TBC1D19: variants seen among roughly 807,000 people sequenced by gnomAD.
The protein encoded by TBC1D19 is TBC1 domain family, member 19.
Under a neutral mutation model 89.0 loss-of-function variants are expected in TBC1D19, and 60 were observed. That is an observed-to-expected ratio of 0.67 (90% CI 0.55 to 0.84). The LOEUF is 0.84. TBC1D19 is among the 40% of genes least tolerant of loss of function. The pLI, the probability that TBC1D19 is intolerant of heterozygous loss-of-function variation, is 0.00. For synonymous variants in TBC1D19, 189 were observed against 199.7 expected, an observed-to-expected ratio of 0.95 and a Z score of 0.45; for missense variants, 500 against 610.8, an observed-to-expected ratio of 0.82 and a Z score of 1.91.
chr4:26,833,555 G>C, the TBC1D19 span, among the ~76,000 whole-genome samples: 1 of 152,276 alleles, frequency 6.6e-6, no homozygotes, highest in Non-Finnish European at 1.5e-5. Flanking sequence ...TAGCAGTAAA[G>C]GTGAGATTTA....
chr4:26,645,998 CTGTAG>C (rs1743905587), intron 7 of TBC1D19, among the ~76,000 whole-genome samples: 1 of 150,716 alleles, frequency 6.6e-6, no homozygotes, highest in Non-Finnish European at 1.5e-5. Flanking sequence ...TGGCGGGCGC[CTGTAG>C]TCCCAGCTAC....
At chr4:26,787,534 G>A in the TBC1D19 span, among the ~76,000 whole-genome samples, 1 of 152,194 alleles carries the variant, frequency 6.6e-6, no homozygotes, top group Non-Finnish European at 1.5e-5. Context: ...TGACGAAAGG[G>A]CAGCACTATG....
chr4:26,807,955 G>A, the TBC1D19 span, among the ~76,000 whole-genome samples: 241 of 152,344 alleles, frequency 1.6e-3, no homozygotes, highest in African/African-American at 5.4e-3. Context: ...AGGCACGGGA[G>A]ATGGAATGAA....
chr4:26,726,155 AC>A (rs1717306661), intron 15 of TBC1D19, among the ~76,000 whole-genome samples: 1 of 150,994 alleles, frequency 6.6e-6, no homozygotes, highest in Non-Finnish European at 1.5e-5. Context: ...ACACACACAC[AC>A]ACACACACAC....
At position 26,753,693 on chromosome 4, in the gene TBC1D19, G is replaced by A. The variant is rs574489332; in HGVS notation, c.1436-127G>A. On this transcript the variant is annotated intron_variant, in intron 19 of 20. Coordinates refer to ENST00000264866, the MANE Select transcript of TBC1D19 (RefSeq NM_018317.4). ...ACAAGACCTTAATTCAGAATGCGGGGGTGTGGTCCGTTGTGTAAAGCACTA... is the reference window on the plus strand; with the variant it reads ...ACAAGACCTTAATTCAGAATGCGGGAGTGTGGTCCGTTGTGTAAAGCACTA... 5.7e-5 allele frequency: 49 copies of A among 852,474 alleles called. No individual in the cohort carries two copies. In the African/African-American group the frequency reaches 7.7e-4, roughly 13 times the overall value. The allele number at this position is 852,474 out of a possible 1,614,324, so 52.8% of individuals were successfully genotyped here.
chr4:26,692,667 A>G (rs1351830484), intron 13 of TBC1D19, among the ~76,000 whole-genome samples: 1 of 152,234 alleles, frequency 6.6e-6, no homozygotes, highest in African/African-American at 2.4e-5. Flanking sequence ...GAAGATTTTA[A>G]TAGCAAACAC....
the TBC1D19 span, among the ~76,000 whole-genome samples, chr4:26,850,090 G>A: frequency 2.0e-5 from 3 of 152,026 alleles, no homozygotes; most frequent in African/African-American, 7.2e-5. Context: ...TTTGTGGGTT[G>A]TATTGTGCCC....
rs146405776 is a variant in TBC1D19, at chr4:26,693,410, A to G, written c.954+5003A>G. On this transcript the variant is annotated intron_variant, in intron 13 of 20. Coordinates refer to ENST00000264866, the MANE Select transcript of TBC1D19 (RefSeq NM_018317.4). ...GAAGCCATGCTTAAAAAAGTAAAGT[A>G]AGGCCAGATGCAGTGGCTCACACCT... Among the ~76,000 whole-genome samples, 377 of 152,260 alleles carry G rather than the reference A, an allele frequency of 2.5e-3. 1 individual carries two copies. Among genetic ancestry groups the G allele is most frequent in the Non-Finnish European group, 4.3e-3 (293 of 68,016 alleles).
At chr4:26,717,908 AT>A (rs749915443) in intron 13 of TBC1D19, 24 bp from the exon 14 acceptor site, 232 of 1,572,246 alleles carry the variant, frequency 1.5e-4, no homozygotes, top group Non-Finnish European at 1.8e-4. Context: ...CTTAATTGCT[AT>A]TTTTTTTCCA....
chr4:26,621,164 G>A (rs1030854553), intron 4 of TBC1D19, among the ~76,000 whole-genome samples: 6 of 152,098 alleles, frequency 3.9e-5, no homozygotes, highest in Non-Finnish European at 7.4e-5. Context: ...ATCAAAATGG[G>A]TTGGCAAAAA....
At chr4:26,713,406 AT>A (rs1304862598) in intron 13 of TBC1D19, among the ~76,000 whole-genome samples, 3 of 151,986 alleles carry the variant, frequency 2.0e-5, no homozygotes, top group Non-Finnish European at 4.4e-5. Context: ...TGAAACCAAC[AT>A]TTGCAATATT....
intron 1 of TBC1D19, among the ~76,000 whole-genome samples, chr4:26,604,576 T>C (rs959293817): frequency 6.6e-6 from 1 of 151,290 alleles, no homozygotes; most frequent in African/African-American, 2.4e-5. Context: ...CTATTGTTAA[T>C]AATGCTACTA....
chr4:26,671,970 A>C (rs919454357), intron 9 of TBC1D19, among the ~76,000 whole-genome samples, 179 bp from the exon 10 acceptor site: 2 of 151,838 alleles, frequency 1.3e-5, no homozygotes, highest in Non-Finnish European at 3.0e-5. Flanking sequence ...ACTCTGTTTT[A>C]ATTTTAAAAA....
At chr4:26,694,039 G>A (rs573210347) in intron 13 of TBC1D19, among the ~76,000 whole-genome samples, 70 of 152,182 alleles carry the variant, frequency 4.6e-4, no homozygotes, top group African/African-American at 1.6e-3. Context: ...GGGGCTCGTC[G>A]AACAGTGGAG....
intron 4 of TBC1D19, among the ~76,000 whole-genome samples, chr4:26,635,640 T>C (rs1227146887): frequency 6.6e-6 from 1 of 152,158 alleles, no homozygotes; most frequent in Non-Finnish European, 1.5e-5. Flanking sequence ...TAAAATTTTT[T>C]AAAATACTTG....
the TBC1D19 span, among the ~76,000 whole-genome samples, chr4:26,826,594 A>G: frequency 6.6e-6 from 1 of 152,248 alleles, no homozygotes; most frequent in African/African-American, 2.4e-5. Flanking sequence ...TCTCTCTTTG[A>G]AAATCATTGT....
chr4:26,733,685 T>G (rs1717799500), intron 15 of TBC1D19, among the ~76,000 whole-genome samples: 2 of 152,256 alleles, frequency 1.3e-5, no homozygotes, highest in African/African-American at 4.8e-5. Context: ...AATTTTTCAG[T>G]TTTGTAGAAT....
chr4:26,700,822 A>G lies in TBC1D19; in HGVS notation c.954+12415A>G, dbSNP rs1170770362. Among the ~76,000 whole-genome samples, 5 of 151,962 alleles carry G rather than the reference A, an allele frequency of 3.3e-5. No homozygotes were observed. In the South Asian group the frequency reaches 6.2e-4, roughly 19 times the overall value. On this transcript the variant is annotated intron_variant, in intron 13 of 20. Coordinates refer to ENST00000264866, the MANE Select transcript of TBC1D19 (RefSeq NM_018317.4). ...TACTAAAAAGTAAATTGGCCTTCCT[A>G]TTTTTCTCTCTTGCTGAATGCTGGC...
the TBC1D19 span, among the ~76,000 whole-genome samples, chr4:26,797,139 G>C: frequency 3.3e-5 from 5 of 152,012 alleles, no homozygotes; most frequent in African/African-American, 9.7e-5. Context: ...AACTCTAAAG[G>C]CTCCTCTGAA....
Sources: allele counts gnomAD v4.1 joint callset (sites outside exome capture counted in the v4.1 genomes callset), GRCh38; gene constraint gnomAD v4.1.1; transcripts MANE v1.5; gene names NCBI Gene and HGNC (gene_info 2026-07-23, HGNC 2026-07-21).